TNR: variants seen among roughly 807,000 people sequenced by gnomAD.
TNR encodes the protein tenascin-R.
Under a neutral mutation model 150.4 loss-of-function variants are expected in TNR, and 45 were observed. That is an observed-to-expected ratio of 0.30 (90% CI 0.24 to 0.38). The LOEUF is 0.38. TNR is among the 10% of genes least tolerant of loss of function. The pLI, the probability that TNR is intolerant of heterozygous loss-of-function variation, is 1.00. For missense variants in TNR, 1,544 were observed against 1,759.1 expected (o/e 0.88, Z 2.19); for synonymous variants, 687 against 678.4 (o/e 1.01, Z -0.20).
At chr1:175,523,643 C>T (rs56239661) in intron 2 of TNR, among the ~76,000 whole-genome samples, 4,215 of 152,200 alleles carry the variant, frequency 0.028, 89 homozygotes, top group African/African-American at 0.056. Context: ...CCCTCTTCTC[C>T]ATCCTTAGCA....
chr1:175,501,223 T>C (rs145779405), intron 2 of TNR, among the ~76,000 whole-genome samples: 1 of 152,254 alleles, frequency 6.6e-6, no homozygotes, highest in African/African-American at 2.4e-5. Flanking sequence ...AGACACACTC[T>C]CCTGTTGGCC....
chr1:175,331,047 T>TTCTTTCTTTCTTTCCTTC lies in TNR; in HGVS notation c.3632-813_3632-812insGAAGGAAAGAAAGAAAGA, dbSNP rs1182726607. 9.1e-4 allele frequency among the ~76,000 whole-genome samples: 83 copies of TTCTTTCTTTCTTTCCTTC among 91,070 alleles called. 1 individual carries two copies. Among genetic ancestry groups the TTCTTTCTTTCTTTCCTTC allele is most frequent in the South Asian group, 4.4e-3 (12 of 2,734 alleles). The allele number at this position is 91,070 out of a possible 152,430, so 59.7% of individuals were successfully genotyped here. A position where few individuals can be genotyped will look rare whatever the true frequency, so the allele number is the denominator to read the frequency against. On this transcript the variant is annotated intron_variant, in intron 20 of 22. Coordinates refer to ENST00000367674, the MANE Select transcript of TNR (RefSeq NM_003285.3). Reference sequence around the variant, plus strand: ...TTTCTTTCTTTCTTTCTTTCTTTCTTTCTTTCTTTCTTTCTTTCTTTCTTT... The same window carrying TTCTTTCTTTCTTTCCTTC: ...TTTCTTTCTTTCTTTCTTTCTTTCTTTCTTTCTTTCTTTCCTTCTCTTTCTTTCTTTCTTTCTTTCTTT...
chr1:175,436,912 A>T (rs555765598), intron 2 of TNR, among the ~76,000 whole-genome samples: 5 of 152,298 alleles, frequency 3.3e-5, no homozygotes, highest in East Asian at 1.9e-4. Flanking sequence ...AGAGACTTAG[A>T]CTCCCACACA....
At chr1:175,439,180 T>C (rs1467438767) in intron 2 of TNR, among the ~76,000 whole-genome samples, 1 of 151,822 alleles carries the variant, frequency 6.6e-6, no homozygotes, top group East Asian at 1.9e-4. Flanking sequence ...AACAGAGATA[T>C]AGACCAATGG....
intron 2 of TNR, among the ~76,000 whole-genome samples, chr1:175,521,799 C>T (rs1006585722): frequency 1.3e-5 from 2 of 152,152 alleles, no homozygotes; most frequent in African/African-American, 4.8e-5. Flanking sequence ...CTCCCATGAA[C>T]CCTGTGACAC....
chr1:175,439,597 A>C (rs1428259960), intron 2 of TNR, among the ~76,000 whole-genome samples: 10 of 152,188 alleles, frequency 6.6e-5, no homozygotes, highest in South Asian at 6.2e-4. Context: ...CAACCTACAG[A>C]ATGGGAGAAA....
intron 2 of TNR, among the ~76,000 whole-genome samples, chr1:175,461,475 C>A (rs1230577933): frequency 5.3e-5 from 8 of 152,152 alleles, no homozygotes; most frequent in Non-Finnish European, 1.0e-4. Flanking sequence ...TTAATGTCAG[C>A]ACTGAATCAT....
intron 1 of TNR, among the ~76,000 whole-genome samples, chr1:175,571,960 A>T (rs1661890884): frequency 6.6e-6 from 1 of 152,188 alleles, no homozygotes; most frequent in South Asian, 2.1e-4. Context: ...TCAAGGAAGT[A>T]GCCACCAATA....
chr1:175,502,796 T>C (rs963828852), intron 2 of TNR, among the ~76,000 whole-genome samples: 1 of 152,090 alleles, frequency 6.6e-6, no homozygotes, highest in African/African-American at 2.4e-5. Flanking sequence ...TTTTAGAAGA[T>C]GGTATATAAA....
intron 18 of TNR, among the ~76,000 whole-genome samples, chr1:175,351,408 G>A (rs1008183801): frequency 6.6e-6 from 1 of 152,166 alleles, no homozygotes; most frequent in Non-Finnish European, 1.5e-5. Flanking sequence ...TGAGGTGGCT[G>A]ACAGAGCCTG....
chr1:175,734,332 C>A (rs893116603), intron 1 of TNR, among the ~76,000 whole-genome samples: 18 of 152,220 alleles, frequency 1.2e-4, no homozygotes, highest in African/African-American at 4.3e-4. Flanking sequence ...ATTTAAAAGA[C>A]ATGGCTATTC....
chr1:175,538,142 G>C (rs1176451030), intron 1 of TNR, among the ~76,000 whole-genome samples: 1 of 152,128 alleles, frequency 6.6e-6, no homozygotes, highest in Non-Finnish European at 1.5e-5. Context: ...AGACACAAGG[G>C]GTCCATTGGG....
chr1:175,737,846 T>C (rs1294902250), intron 1 of TNR, among the ~76,000 whole-genome samples: 3 of 152,194 alleles, frequency 2.0e-5, no homozygotes, highest in East Asian at 1.9e-4. Context: ...AATGGGTCTG[T>C]TGGCTCATTT....
intron 1 of TNR, among the ~76,000 whole-genome samples, chr1:175,718,611 C>T (rs971152396): frequency 1.1e-4 from 17 of 152,170 alleles, no homozygotes; most frequent in African/African-American, 3.4e-4. Context: ...TATCTCCCCT[C>T]GATGGGTCTG....
chr1:175,338,717 A>G (rs1252345797), intron 18 of TNR, among the ~76,000 whole-genome samples: 2 of 152,196 alleles, frequency 1.3e-5, no homozygotes, highest in Non-Finnish European at 2.9e-5. Context: ...CAGGTGTGAC[A>G]CAGGGCCCGC....
At chr1:175,427,880 C>A (rs1373744930) in intron 2 of TNR, among the ~76,000 whole-genome samples, 1 of 111,124 alleles carries the variant, frequency 9.0e-6, no homozygotes, top group Non-Finnish European at 1.8e-5. Flanking sequence ...CTTCTTCCCT[C>A]CCTTCTTCGC....
At chr1:175,431,593 C>A (rs1655262063) in intron 2 of TNR, among the ~76,000 whole-genome samples, 1 of 152,022 alleles carries the variant, frequency 6.6e-6, no homozygotes, top group Admixed American at 6.5e-5. Context: ...GGAGTGGGCA[C>A]CATTTCTCCT....
At position 175,614,119 on chromosome 1, in the gene TNR, C is replaced by T. The variant is rs532899737; in HGVS notation, c.-164-85750G>A. 9.2e-5 allele frequency among the ~76,000 whole-genome samples: 14 copies of T among 152,256 alleles called. No individual in the cohort carries two copies. In the South Asian group the frequency reaches 2.9e-3, roughly 32 times the overall value. On this transcript the variant is annotated intron_variant, in intron 1 of 22. Transcript: ENST00000367674. The stretch of plus-strand genomic sequence containing the variant: ...ATAGTAGATGTTCAACAAGTTTTAG[C>T]TATTACATCTTGCTTATGTGTTAAT...
chr1:175,664,955 T>C (rs1665491836), intron 1 of TNR, among the ~76,000 whole-genome samples: 1 of 152,158 alleles, frequency 6.6e-6, no homozygotes. Context: ...GAAGAAATTC[T>C]CAGGCAGAAA....
Sources: allele counts gnomAD v4.1 joint callset (sites outside exome capture counted in the v4.1 genomes callset), GRCh38; gene constraint gnomAD v4.1.1; transcripts MANE v1.5; gene names NCBI Gene and HGNC (gene_info 2026-07-23, HGNC 2026-07-21).